The following ZNF644 variants were observed in gnomAD, a reference collection of about 807,000 sequenced individuals.
ZNF644 encodes zinc finger motif enhancer binding protein 2.
ZNF644 carries 20 observed loss-of-function variants against 108.0 expected under a neutral mutation model. The observed-to-expected ratio is 0.19, with a 90% confidence interval of 0.13 to 0.27. ZNF644 has a LOEUF of 0.27. Ranked by LOEUF, ZNF644 falls within the 10% of genes least tolerant of loss-of-function variation. ZNF644 has a pLI of 1.00. For missense variants in ZNF644, 1,338 were observed against 1,548.9 expected (o/e 0.86, Z 2.29); for synonymous variants, 542 against 539.1 (o/e 1.01, Z -0.08).
intron 2 of ZNF644, among the ~76,000 whole-genome samples, chr1:90,952,822 T>C (rs747801680): frequency 6.6e-6 from 1 of 151,996 alleles, no homozygotes; most frequent in Non-Finnish European, 1.5e-5. Flanking sequence ...TCGCTGAGAA[T>C]TTTGTAAAAC....
chr1:90,998,913 G>A (rs1002153787), intron 1 of ZNF644, among the ~76,000 whole-genome samples: 2 of 152,228 alleles, frequency 1.3e-5, no homozygotes, highest in Non-Finnish European at 2.9e-5. Flanking sequence ...ACAAGCTTCA[G>A]TAGCCGATCT....
Position 90,917,916 on chromosome 1 carries a change from A to G in ZNF644, c.3791+136T>C. On this transcript the variant is annotated intron_variant, in intron 5 of 5. Transcript: ENST00000337393. The stretch of plus-strand genomic sequence containing the variant: ...TGAGCTGAATTAAGATTTTAAGCCT[A>G]TCTCCAAAAGTTCATTTATAACTTG... 4.0e-6 allele frequency: 3 copies of G among 747,734 alleles called. No homozygotes were observed. The South Asian group carries it at 4.6e-5, about 11-fold the overall frequency. The allele number at this position is 747,734 out of a possible 1,614,324, so 46.3% of individuals were successfully genotyped here.
At chr1:90,973,513 C>A (rs1262471087) in intron 2 of ZNF644, among the ~76,000 whole-genome samples, 2 of 152,018 alleles carry the variant, frequency 1.3e-5, no homozygotes, top group Admixed American at 6.6e-5. Flanking sequence ...TGAAAAAGTA[C>A]TTATAACAGT....
chr1:90,942,161 A>G (rs1652058390), intron 2 of ZNF644, among the ~76,000 whole-genome samples: 2 of 152,186 alleles, frequency 1.3e-5, no homozygotes, highest in African/African-American at 4.8e-5. Flanking sequence ...CCCACTTATG[A>G]TCTGGTGGTC....
At chr1:90,971,245 A>C (rs1023844581) in intron 2 of ZNF644, among the ~76,000 whole-genome samples, 2 of 149,586 alleles carry the variant, frequency 1.3e-5, no homozygotes, top group East Asian at 3.9e-4. Context: ...AAAAAAAATC[A>C]ATGTAACACA....
Position 90,940,820 on chromosome 1 carries a change from T to C in ZNF644, c.534A>G (p.Leu178=). ...GATTCTTAGCATGTGCTACATCTGA[T>C]AACAAAAATAAAACTTGGTGTTGAC... ...KASQHQVLFL[L]SDVAHAKNPT... The change falls in exon 3 of 6, where the codon TTA becomes TTG. Residue 178 remains leucine, a synonymous_variant. Coordinates refer to ENST00000337393, the MANE Select transcript of ZNF644 (RefSeq NM_201269.3). 1 of 1,614,024 alleles carries C rather than the reference T, an allele frequency of 6.2e-7. No individual in the cohort carries two copies. Among genetic ancestry groups the C allele is most frequent in the Non-Finnish European group, 8.5e-7 (1 of 1,179,972 alleles).
chr1:91,013,089 T>C (rs1029584775), intron 1 of ZNF644, among the ~76,000 whole-genome samples: 2 of 152,196 alleles, frequency 1.3e-5, no homozygotes, highest in Admixed American at 1.3e-4. Context: ...CTTTTGTTTT[T>C]TGGAGACTGA....
chr1:90,920,377 TG>T (rs1649298665), intron 4 of ZNF644, among the ~76,000 whole-genome samples: 2 of 151,940 alleles, frequency 1.3e-5, no homozygotes, highest in South Asian at 4.1e-4. Context: ...ATGTTAGGGG[TG>T]TAAAGCAAAT....
intron 2 of ZNF644, among the ~76,000 whole-genome samples, chr1:90,953,233 G>A (rs1473251941): frequency 4.6e-5 from 7 of 151,718 alleles, no homozygotes; most frequent in Admixed American, 3.3e-4. Context: ...GAATACCTTG[G>A]AGATACTGTG....
intron 1 of ZNF644, among the ~76,000 whole-genome samples, chr1:90,996,098 A>G (rs144664972): frequency 6.6e-4 from 100 of 152,334 alleles, no homozygotes; most frequent in African/African-American, 2.3e-3. Context: ...ATTAAAAGGT[A>G]CTCAGTCACA....
At chr1:90,936,762 T>C (rs1300581167) in intron 4 of ZNF644, among the ~76,000 whole-genome samples, 1 of 152,174 alleles carries the variant, frequency 6.6e-6, no homozygotes, top group Non-Finnish European at 1.5e-5. Flanking sequence ...CTACTTTATC[T>C]GCCACATTAT....
At chr1:90,949,680 G>A (rs1022040174) in intron 2 of ZNF644, among the ~76,000 whole-genome samples, 1 of 152,068 alleles carries the variant, frequency 6.6e-6, no homozygotes, top group African/African-American at 2.4e-5. Flanking sequence ...CACTGTAGTA[G>A]GTATTACAAG....
chr1:90,961,914 T>C (rs974873713), intron 2 of ZNF644, among the ~76,000 whole-genome samples: 1 of 152,070 alleles, frequency 6.6e-6, no homozygotes, highest in Non-Finnish European at 1.5e-5. Flanking sequence ...TCCATCCAGA[T>C]AGTCCACTGA....
chr1:90,986,660 T>C (rs988457206), intron 1 of ZNF644, among the ~76,000 whole-genome samples: 6 of 152,042 alleles, frequency 3.9e-5, no homozygotes, highest in African/African-American at 1.4e-4. Flanking sequence ...TTCAAAAATA[T>C]TGTAAATATG....
At chr1:90,977,959 C>T (rs1392495280) in intron 2 of ZNF644, among the ~76,000 whole-genome samples, 1 of 152,132 alleles carries the variant, frequency 6.6e-6, no homozygotes, top group Non-Finnish European at 1.5e-5. Context: ...GAGTATAGTG[C>T]TGGGTGGGAG....
At chr1:90,996,559 A>C (rs1198876902) in intron 1 of ZNF644, among the ~76,000 whole-genome samples, 1 of 152,192 alleles carries the variant, frequency 6.6e-6, no homozygotes, top group Non-Finnish European at 1.5e-5. Context: ...CTGAGGTGGG[A>C]GAAATGCTTG....
intron 2 of ZNF644, 114 bp from the exon 3 acceptor site, chr1:90,941,423 G>T: frequency 1.1e-6 from 1 of 926,432 alleles, no homozygotes; most frequent in Non-Finnish European, 1.6e-6. Flanking sequence ...TCTTTATATT[G>T]AGATTCTAAT....
intron 1 of ZNF644, among the ~76,000 whole-genome samples, chr1:91,003,002 A>C (rs1659032541): frequency 6.6e-6 from 1 of 152,158 alleles, no homozygotes; most frequent in Non-Finnish European, 1.5e-5. Context: ...CACCAGTTAG[A>C]ATGGCAATCA....
At chr1:90,959,459 G>A (rs1444226323) in intron 2 of ZNF644, among the ~76,000 whole-genome samples, 1 of 152,134 alleles carries the variant, frequency 6.6e-6, no homozygotes. Context: ...TATGTTTATA[G>A]CACTGTATTC....
Sources: allele counts gnomAD v4.1 joint callset (sites outside exome capture counted in the v4.1 genomes callset), GRCh38; gene constraint gnomAD v4.1.1; transcripts MANE v1.5; gene names NCBI Gene and HGNC (gene_info 2026-07-23, HGNC 2026-07-21).